Variants in KCNAB2 observed in about 807,000 individuals in gnomAD.
The protein encoded by KCNAB2 is voltage-gated potassium channel subunit beta-2.
In KCNAB2, 29 loss-of-function variants were observed where a neutral mutation model predicts 63.6. The ratio of observed to expected loss-of-function variants is 0.46; its 90% confidence interval spans 0.34 to 0.62. The LOEUF is 0.62. Ranked by LOEUF, KCNAB2 falls within the 20% of genes least tolerant of loss-of-function variation. KCNAB2 has a pLI of 0.01. For synonymous variants in KCNAB2, 222 were observed against 224.2 expected (o/e 0.99, Z 0.09); for missense variants, 359 against 563.9 (o/e 0.64, Z 3.68).
chr1:6,050,900 G>A (rs1223890296), intron 1 of KCNAB2, among the ~76,000 whole-genome samples: 1 of 152,264 alleles, frequency 6.6e-6, no homozygotes, highest in Non-Finnish European at 1.5e-5. Context: ...TCAACAAGCA[G>A]GGAATGTGTT....
chr1:6,080,410 G>A (rs1270290166), intron 4 of KCNAB2, among the ~76,000 whole-genome samples: 4 of 152,166 alleles, frequency 2.6e-5, no homozygotes, highest in Non-Finnish European at 4.4e-5. Flanking sequence ...CAGGTCCCTC[G>A]GGCGGCGGAT....
At chr1:6,042,845 C>CCCCG (rs1553122343), upstream of KCNAB2, among the ~76,000 whole-genome samples, 2 of 92,376 alleles carry the variant, frequency 2.2e-5, no homozygotes, top group Non-Finnish European at 4.2e-5. Flanking sequence ...CACTCCCCAC[C>CCCCG]CCCCCCCCCG....
In KCNAB2 at chr1:6,096,765, G is replaced by A; in HGVS notation, c.1069+9G>A. On this transcript the variant is annotated intron_variant, in intron 14 of 15. Transcript: ENST00000378083. The surrounding 1 kb of genome is among the most constrained non-coding windows in gnomAD (Gnocchi z 5.9). ...GCCCCAGCTGGCCATAGGTAACGGT[G>A]GGGTCGCCATGGGGCCAGTGCCCCT... is the stretch of plus-strand genomic sequence containing the variant. 6.4e-7 allele frequency: 1 copy of A among 1,565,836 alleles called. No individual in the cohort carries two copies. Among genetic ancestry groups the A allele is most frequent in the South Asian group, 1.2e-5 (1 of 85,746 alleles).
chr1:6,041,827 G>A (rs772477620), upstream of KCNAB2: 52 of 1,612,668 alleles, frequency 3.2e-5, no homozygotes, highest in Admixed American at 5.0e-5. Flanking sequence ...ATTGCTGTCC[G>A]AAGTACTCGG....
At chr1:6,037,411 A>G (rs569057248) in intron 1 of KCNAB2, among the ~76,000 whole-genome samples, 63 of 152,278 alleles carry the variant, frequency 4.1e-4, no homozygotes, top group African/African-American at 1.4e-3. Flanking sequence ...TGCAGCATCC[A>G]TGGGAGGGCT....
Position 6,087,250 on chromosome 1 carries a change from G to A in KCNAB2, c.426-217G>A, listed in dbSNP as rs945420424. ...TCCCACTGCCTGACTCACAGTTACT[G>A]CCTCGGTGGCTGCCTCCTGGCTCCA... On this transcript the variant is annotated intron_variant, in intron 6 of 15. Transcript: ENST00000378083. The surrounding 1 kb of genome is among the most constrained non-coding windows in gnomAD (Gnocchi z 6.4). Among the ~76,000 whole-genome samples, 4 of 152,122 alleles carry A rather than the reference G, an allele frequency of 2.6e-5. No homozygotes were observed. The highest frequency in any genetic ancestry group is 9.7e-5 in the African/African-American group (4 of 41,430).
At position 6,096,252 on chromosome 1, in the gene KCNAB2, C is replaced by A; in HGVS notation, c.949-384C>A. 2.4e-6 allele frequency: 1 copy of A among 423,156 alleles called. No homozygotes were observed. 26.2% of individuals were successfully genotyped at this position (423,156 alleles called of 1,614,324 possible). ...CCCTGCAATCCTCTGGGGGGGATGG[C>A]CAGGGGAGAGAGCACTCCCCTAGGG... On this transcript the variant is annotated intron_variant, in intron 13 of 15. Transcript: ENST00000378083. This position sits in a 1 kb window ranked among gnomAD's most constrained non-coding sequence, Gnocchi z 5.9.
At chr1:5,997,348 G>T (rs1220704196) in intron 1 of KCNAB2, among the ~76,000 whole-genome samples, 2 of 152,148 alleles carry the variant, frequency 1.3e-5, no homozygotes, top group African/African-American at 4.8e-5. Context: ...GGAAGAGAGG[G>T]CAGGAGGGGA....
In KCNAB2 at chr1:6,097,299, C is replaced by G; in HGVS notation, c.1100C>G (p.Ser367Cys). 1 of 1,551,454 alleles carries G rather than the reference C, an allele frequency of 6.4e-7. No homozygotes were observed. ...TGCCTGAGGAATGAGGGAGTCAGCT[C>G]CGTGCTCCTGGGGGCCTCCAATGCG... Reference protein sequence around the residue: ...AWCLRNEGVSSVLLGASNADQ... With the variant: ...AWCLRNEGVSCVLLGASNADQ... The change falls in exon 15 of 16, where the codon TCC (serine) becomes TGC (cysteine). Residue 367 changes from serine (S) to cysteine (C), a missense_variant. Physicochemically the swap from Ser to Cys is moderately radical, Grantham distance 112. Transcript: ENST00000378083.
intron 1 of KCNAB2, among the ~76,000 whole-genome samples, chr1:6,018,144 G>C (rs145609801): frequency 6.6e-6 from 1 of 151,964 alleles, no homozygotes; most frequent in Non-Finnish European, 1.5e-5. Flanking sequence ...GTGTTGCCCA[G>C]GCTGGTTTTG....
intron 2 of KCNAB2, among the ~76,000 whole-genome samples, chr1:6,057,189 A>G (rs1277144335): frequency 3.3e-5 from 5 of 151,444 alleles, no homozygotes; most frequent in Admixed American, 6.6e-5. Flanking sequence ...GATGGCAGGG[A>G]GCCTCTGCGG....
chr1:6,099,028 T>A lies in KCNAB2; in HGVS notation c.*454T>A, dbSNP rs888585127. On this transcript the variant is annotated 3_prime_UTR_variant, in exon 16 of 16. Coordinates refer to ENST00000378083, the MANE Select transcript of KCNAB2 (RefSeq NM_001199862.2). ...TGTAGGGGGAGAGGGGAAAGGGGTC[T>A]GGCCCATCGAGGGGCCCCTTCTGCC... 6.5e-6 allele frequency: 1 copy of A among 155,020 alleles called. No homozygotes were observed. The highest frequency in any genetic ancestry group is 1.4e-5 in the Non-Finnish European group (1 of 70,044). The allele number at this position is 155,020 out of a possible 1,614,324, so 9.6% of individuals were successfully genotyped here.
At chr1:6,056,018 G>A (rs1237760497) in intron 2 of KCNAB2, among the ~76,000 whole-genome samples, 2 of 151,932 alleles carry the variant, frequency 1.3e-5, no homozygotes, top group African/African-American at 2.4e-5. Flanking sequence ...GTAGCTGATG[G>A]AGGTGGACGG....
chr1:6,002,023 G>A (rs1164469831), intron 1 of KCNAB2, among the ~76,000 whole-genome samples: 3 of 152,152 alleles, frequency 2.0e-5, no homozygotes, highest in Admixed American at 6.5e-5. Flanking sequence ...TGTGGGCCTC[G>A]TGAGGACAGA....
chr1:6,017,406 C>CTCTG lies in KCNAB2; in HGVS notation c.-52-23110_-52-23109insCTGT, dbSNP rs146613804. Among the ~76,000 whole-genome samples, 312 of 147,300 alleles carry CTCTG rather than the reference C, an allele frequency of 2.1e-3. 1 individual carries two copies. The highest frequency in any genetic ancestry group is 7.5e-3 in the African/African-American group (299 of 39,610). Reference sequence around the variant, plus strand: ...CACAGGTGCACATCACCATACCTGGCTGTGTGTGTGTGTGTGTGTGTGTGT... The same window carrying CTCTG: ...CACAGGTGCACATCACCATACCTGGCTCTGTGTGTGTGTGTGTGTGTGTGTGTGT... On this transcript the variant is annotated intron_variant, in intron 1 of 16. Transcript: ENST00000341524.
chr1:6,085,192 C>G lies in KCNAB2; in HGVS notation c.381-12C>G. The G allele has an allele frequency of 6.2e-7, 1 of 1,613,848 alleles. No homozygotes were observed. Among genetic ancestry groups the G allele is most frequent in the South Asian group, 1.1e-5 (1 of 91,046 alleles). On this transcript the variant is annotated splice_polypyrimidine_tract_variant and intron_variant, in intron 5 of 15. Coordinates refer to ENST00000378083, the MANE Select transcript of KCNAB2 (RefSeq NM_001199862.2). ...TTTGGCTGTGATGAGAGCTCGGTGT[C>G]TTGTTTTGCAGGGCTGAAGTGGTAC...
intron 10 of KCNAB2, among the ~76,000 whole-genome samples, chr1:6,092,643 TCAGA>T (rs1665287319): frequency 6.6e-6 from 1 of 152,190 alleles, no homozygotes; most frequent in Admixed American, 6.5e-5. Flanking sequence ...CAGGATGTAG[TCAGA>T]GATTCTCCTG....
At chr1:6,050,875 G>A (rs1298775063) in intron 1 of KCNAB2, among the ~76,000 whole-genome samples, 2 of 152,182 alleles carry the variant, frequency 1.3e-5, no homozygotes, top group African/African-American at 4.8e-5. Flanking sequence ...AGATCTCTGC[G>A]GTGCAATGAT....
intron 2 of KCNAB2, 21 bp downstream of exon 2, chr1:6,051,775 C>T (rs977047141): frequency 1.1e-5 from 17 of 1,515,158 alleles, no homozygotes; most frequent in African/African-American, 2.8e-5. Flanking sequence ...GGCAGGGGGG[C>T]GGTGGGGTGG....
Sources: gnomAD v4.1 joint callset for allele counts (sites outside exome capture counted in the v4.1 genomes callset) on GRCh38, gnomAD v4.1.1 for gene constraint, Gnocchi (gnomAD v3.1) non-coding constraint, MANE v1.5 for transcripts, NCBI Gene and HGNC (gene_info 2026-07-23, HGNC 2026-07-21) for gene names.